The following UBE2G1 variants were observed in gnomAD, a reference collection of about 807,000 sequenced individuals.
UBE2G1 encodes ubiquitin conjugating enzyme E2 G1, also known as ubiquitin-conjugating enzyme E2 G1.
UBE2G1 carries 5 observed loss-of-function variants against 22.7 expected under a neutral mutation model. The observed-to-expected ratio is 0.22, with a 90% confidence interval of 0.12 to 0.46. The LOEUF (loss-of-function observed/expected upper bound fraction) is 0.46. UBE2G1 is among the 20% of genes least tolerant of loss of function. The probability of loss-of-function intolerance (pLI) is 0.99; values close to 1 mark genes in which losing one functional copy is unlikely to be tolerated. For missense variants in UBE2G1, 88 were observed against 203.9 expected (o/e 0.43, Z 3.46); for synonymous variants, 74 against 67.5 (o/e 1.10, Z -0.47).
intron 1 of UBE2G1, among the ~76,000 whole-genome samples, chr17:4,360,287 T>G (rs1184247978): frequency 1.3e-5 from 2 of 152,174 alleles, no homozygotes; most frequent in African/African-American, 2.4e-5. Context: ...AAATTATTTA[T>G]CCTAAATCAA....
At chr17:4,343,446 G>C (rs1969733179) in intron 1 of UBE2G1, among the ~76,000 whole-genome samples, 1 of 152,058 alleles carries the variant, frequency 6.6e-6, no homozygotes, top group Non-Finnish European at 1.5e-5. Context: ...GGAGGTTGCA[G>C]TGAGCCAAAA....
At chr17:4,365,283 C>G (rs1970019032) in intron 1 of UBE2G1, among the ~76,000 whole-genome samples, 1 of 152,222 alleles carries the variant, frequency 6.6e-6, no homozygotes, top group African/African-American at 2.4e-5. Context: ...TCTGGCAGCA[C>G]GTGGGGCTGC....
At chr17:4,359,921 TA>T in intron 1 of UBE2G1, among the ~76,000 whole-genome samples, 1 of 151,546 alleles carries the variant, frequency 6.6e-6, no homozygotes, top group South Asian at 2.1e-4. Context: ...TATCTTGCAC[TA>T]GGGGGAAAAA....
At chr17:4,282,747 T>G (rs1968910330) in intron 5 of UBE2G1, 51 bp downstream of exon 5, 5 of 1,243,052 alleles carry the variant, frequency 4.0e-6, no homozygotes, top group Non-Finnish European at 5.6e-6. Context: ...TTCCAAAAAC[T>G]AATAGGATAC....
At chr17:4,350,823 G>A (rs1181349990) in intron 1 of UBE2G1, among the ~76,000 whole-genome samples, 1 of 151,916 alleles carries the variant, frequency 6.6e-6, no homozygotes, top group East Asian at 1.9e-4. Flanking sequence ...ACGAGGTCAG[G>A]AGGTCGAGAC....
intron 2 of UBE2G1, among the ~76,000 whole-genome samples, chr17:4,300,372 G>A (rs539784611): frequency 2.0e-5 from 3 of 151,622 alleles, no homozygotes; most frequent in African/African-American, 4.8e-5. Context: ...GTGAAACGCC[G>A]TCTCTACTAA....
intron 2 of UBE2G1, among the ~76,000 whole-genome samples, chr17:4,301,056 T>A (rs1969172435): frequency 6.6e-6 from 1 of 152,208 alleles, no homozygotes; most frequent in South Asian, 2.1e-4. Context: ...TGAGTTAAAT[T>A]ATAAAAATCT....
At chr17:4,344,926 C>T (rs1969752633) in intron 1 of UBE2G1, among the ~76,000 whole-genome samples, 1 of 152,046 alleles carries the variant, frequency 6.6e-6, no homozygotes, top group African/African-American at 2.4e-5. Context: ...AGTATTTTAC[C>T]TGCCTTCAGA....
chr17:4,357,996 TA>T (rs903672840), intron 1 of UBE2G1, among the ~76,000 whole-genome samples: 9 of 150,622 alleles, frequency 6.0e-5, no homozygotes, highest in African/African-American at 2.2e-4. Context: ...CCCTGTCTCT[TA>T]AAAAAGAAAA....
At chr17:4,288,305 C>A (rs1253504167) in intron 4 of UBE2G1, among the ~76,000 whole-genome samples, 3 of 152,146 alleles carry the variant, frequency 2.0e-5, no homozygotes, top group Admixed American at 2.0e-4. Flanking sequence ...CGGCTCACTG[C>A]AACCTCTGCC....
intron 1 of UBE2G1, among the ~76,000 whole-genome samples, chr17:4,363,362 G>A (rs1969990468): frequency 6.6e-6 from 1 of 152,094 alleles, no homozygotes; most frequent in Admixed American, 6.6e-5. Flanking sequence ...AATGAGGCCT[G>A]AAAAAATACA....
intron 3 of UBE2G1, among the ~76,000 whole-genome samples, chr17:4,291,789 A>G (rs1398108438): frequency 6.6e-6 from 1 of 152,150 alleles, no homozygotes; most frequent in South Asian, 2.1e-4. Context: ...ATGCTGTTTA[A>G]ATTTCATATA....
intron 3 of UBE2G1, among the ~76,000 whole-genome samples, chr17:4,290,770 C>G (rs1431776229): frequency 7.3e-6 from 1 of 136,502 alleles, no homozygotes; most frequent in African/African-American, 2.7e-5. Flanking sequence ...CACATGGCAC[C>G]ATTCCTGGCT....
In UBE2G1 at chr17:4,304,650, T is replaced by G. The variant is rs77813491; in HGVS notation, c.149+2371A>C. On this transcript the variant is annotated intron_variant, in intron 2 of 5. Transcript: ENST00000396981. ...GAGGGCTAATGATGGCACAGAGAGA[T>G]AATCACAGCAGCTTTTACAGAATTT... 1.8e-3 allele frequency among the ~76,000 whole-genome samples: 277 copies of G among 152,128 alleles called. 2 individuals are homozygous for G. Among genetic ancestry groups the G allele is most frequent in the African/African-American group, 5.9e-3 (244 of 41,426 alleles).
At chr17:4,348,696 T>C (rs1454201558) in intron 1 of UBE2G1, among the ~76,000 whole-genome samples, 2 of 150,406 alleles carry the variant, frequency 1.3e-5, no homozygotes, top group Non-Finnish European at 2.9e-5. Flanking sequence ...ACCCCACCAC[T>C]ACTAAAATAC....
intron 1 of UBE2G1, among the ~76,000 whole-genome samples, chr17:4,317,336 G>A (rs1023657252): frequency 1.3e-5 from 2 of 152,106 alleles, no homozygotes; most frequent in Non-Finnish European, 2.9e-5. Context: ...GGCGACAAGA[G>A]CGAGACTTCG....
intron 3 of UBE2G1, among the ~76,000 whole-genome samples, chr17:4,295,544 A>G (rs1463254384): frequency 6.6e-6 from 1 of 152,156 alleles, no homozygotes; most frequent in Non-Finnish European, 1.5e-5. Context: ...AAACTAATCT[A>G]TATGTTTCTA....
chr17:4,351,111 A>C (rs1203489809), intron 1 of UBE2G1, among the ~76,000 whole-genome samples: 5 of 150,932 alleles, frequency 3.3e-5, no homozygotes, highest in African/African-American at 1.2e-4. Context: ...AGACAGGAGA[A>C]TCACCTCTGC....
chr17:4,301,225 T>C (rs1451842907), intron 2 of UBE2G1: 3 of 343,900 alleles, frequency 8.7e-6, no homozygotes, highest in African/African-American at 6.4e-5. Context: ...TCACTATTAT[T>C]CTATGATAGT....
Sources: allele counts gnomAD v4.1 joint callset (sites outside exome capture counted in the v4.1 genomes callset), GRCh38; gene constraint gnomAD v4.1.1; transcripts MANE v1.5; gene names NCBI Gene and HGNC (gene_info 2026-07-23, HGNC 2026-07-21).